The following OGFR variants were observed in gnomAD, a reference collection of about 807,000 sequenced individuals.
The protein encoded by OGFR is opioid growth factor receptor, also known as protein 7-60.
Under a neutral mutation model 33.6 loss-of-function variants are expected in OGFR, and 18 were observed. That is an observed-to-expected ratio of 0.54 (90% confidence interval 0.37 to 0.80). The LOEUF is 0.80. Among genes scored for constraint, OGFR ranks in the 30% least tolerant of loss-of-function variants. The pLI, the probability that OGFR is intolerant of heterozygous loss-of-function variation, is 0.00. For missense variants in OGFR, 877 were observed against 955.8 expected, an observed-to-expected ratio of 0.92 and a Z score of 1.09; for synonymous variants, 370 against 400.7, an observed-to-expected ratio of 0.92 and a Z score of 0.91.
At chr20:62,810,074 C>T (rs946681031) in intron 4 of OGFR, among the ~76,000 whole-genome samples, 21 of 121,342 alleles carry the variant, frequency 1.7e-4, no homozygotes, top group Non-Finnish European at 2.7e-4. Context: ...CTTGGGGACC[C>T]ACAATGTGGC....
intron 2 of OGFR, 118 bp from the exon 3 acceptor site, chr20:62,808,129 T>C: frequency 1.2e-6 from 1 of 821,748 alleles, no homozygotes; most frequent in Admixed American, 1.7e-5. Context: ...CCAGGCGGGC[T>C]CTTGGGGTAT....
At position 62,812,523 on chromosome 20, in the gene OGFR, C is replaced by T. The variant is rs750321486; in HGVS notation, c.908C>T (p.Pro303Leu). 3.5e-5 allele frequency: 56 copies of T among 1,585,176 alleles called. No homozygotes were observed. The highest frequency in any genetic ancestry group is 1.4e-4 in the South Asian group (12 of 87,424). ...TTCAAGCCCAGCTCTCTGCCCCATC[C>T]GCTCGAGGGCTCCAGGAAGGTGGAG... ...RRFKPSSLPH[P>L]LEGSRKVEEE... The change falls in exon 7 of 7, where the codon CCG (proline) becomes CTG (leucine). Residue 303 changes from proline (P) to leucine (L), a missense_variant. Physicochemically the swap from Pro to Leu is moderately conservative, Grantham distance 98 (BLOSUM62 -3). This residue lies in a region of OGFR where 760 missense variants were observed against 736.0 expected (regional missense o/e 1.03). Transcript: ENST00000290291.
chr20:62,810,880 ACCCAAGTGTGGAAGCTG>A (rs1240196224), intron 5 of OGFR, among the ~76,000 whole-genome samples: 2 of 152,290 alleles, frequency 1.3e-5, no homozygotes, highest in Non-Finnish European at 2.9e-5. Flanking sequence ...GAGTGGGGTC[ACCCAAGTGTGGAAGCTG>A]CCCCTGAGGG....
rs1469271399 is a variant in OGFR at position 62,813,546 on chromosome 20, C to G, written c.1931C>G (p.Pro644Arg). The G allele has an allele frequency of 1.9e-6, 3 of 1,605,890 alleles. No homozygotes were observed. The South Asian group carries it at 3.3e-5, about 18-fold the overall frequency. ...GAGAGCCCATCGGAGACCCCAGGCC[C>G]CAGCCCGGCAGGACCTACAAGGGAT... ...PAESPSETPG[P>R]SPAGPTRDEP... The change falls in exon 7 of 7, where the codon CCC becomes CGC. Residue 644 changes from proline (P) to arginine (R), a missense_variant. By Grantham distance (103) the Pro-to-Arg change is moderately radical. Around this residue, in one of 3 missense-constraint regions of OGFR, gnomAD observed 72 missense variants for 181.8 expected, o/e 0.40. Coordinates refer to ENST00000290291, the MANE Select transcript of OGFR (RefSeq NM_007346.4).
chr20:62,808,961 T>TGA (rs1990659672), intron 3 of OGFR, among the ~76,000 whole-genome samples: 1 of 102,894 alleles, frequency 9.7e-6, no homozygotes, highest in Non-Finnish European at 1.7e-5. Flanking sequence ...GGCAACAGAA[T>TGA]GAGACTCTGT....
Position 62,812,259 on chromosome 20 carries a change from G to T in OGFR, c.644G>T (p.Arg215Leu). ...AGCCACAACAACCTCCGCATCACAC[G>T]CATCCTCAAGTCGCTGGGTGAGCTG... Reference protein sequence around the residue: ...WRSHNNLRITRILKSLGELGL... With the variant: ...WRSHNNLRITLILKSLGELGL... Residue 215 changes from arginine (R) to leucine (L), a missense_variant, in exon 7 of 7, where the codon CGC (arginine) becomes CTC (leucine). Transcript: ENST00000290291. 6.5e-7 allele frequency: 1 copy of T among 1,527,312 alleles called. No individual in the cohort carries two copies. Among genetic ancestry groups the T allele is most frequent in the Non-Finnish European group, 8.8e-7 (1 of 1,135,906 alleles). 94.6% of individuals were successfully genotyped at this position (1,527,312 alleles called of 1,614,324 possible).
chr20:62,813,700 C>A lies in OGFR; in HGVS notation c.*51C>A. 1 of 1,597,162 alleles carries A rather than the reference C, an allele frequency of 6.3e-7. No homozygotes were observed. On this transcript the variant is annotated 3_prime_UTR_variant, in exon 7 of 7. Transcript: ENST00000290291. ...GGTCCTCCTGTCCCTGCTGCAGGGGCTGGGGCCTCCGGAGCTGCTGCGGGC... is the reference window on the plus strand; with the variant it reads ...GGTCCTCCTGTCCCTGCTGCAGGGGATGGGGCCTCCGGAGCTGCTGCGGGC...
In OGFR at chr20:62,812,854, T is replaced by C. The variant is rs372240820; in HGVS notation, c.1239T>C (p.Asn413=). The change falls in exon 7 of 7, where the codon AAT becomes AAC. Residue 413 remains asparagine (N), a synonymous_variant. Coordinates refer to ENST00000290291, the MANE Select transcript of OGFR (RefSeq NM_007346.4). ...SASEVEKIAL[N]LEGCALSQGS... is the part of the protein sequence containing the mutation. The stretch of plus-strand genomic sequence containing the variant: ...CAGAGGTGGAGAAGATCGCTCTGAA[T>C]TTGGAGGGGTGTGCCCTCAGCCAGG... The C allele has an allele frequency of 3.1e-6, 5 of 1,612,478 alleles. No homozygotes were observed. In the African/African-American group the frequency reaches 6.7e-5, roughly 22 times the overall value.
In OGFR at chr20:62,812,345, C is replaced by T. The variant is rs755893043; in HGVS notation, c.730C>T (p.Arg244Trp). The change falls in exon 7 of 7, where the codon CGG (arginine) becomes TGG (tryptophan). Residue 244 changes from arginine to tryptophan, a missense_variant. Physicochemically the swap from Arg to Trp is moderately radical, Grantham distance 101 (BLOSUM62 -3). Transcript: ENST00000290291. ...CTTCCTGGAGGAGACGCTGGTGCGG[C>T]GGGAGCTGCCGGGGGTGCGGCAGAG... ...RFFLEETLVR[R>W]ELPGVRQSAL... 37 of 1,563,202 alleles carry T rather than the reference C, an allele frequency of 2.4e-5. No individual in the cohort carries two copies. The Admixed American group carries it at 2.6e-4, about 11-fold the overall frequency.
At chr20:62,812,209 C>T (rs1437349109) in intron 6 of OGFR, 21 bp from the exon 7 acceptor site, 2 of 1,482,810 alleles carry the variant, frequency 1.3e-6, no homozygotes, top group African/African-American at 1.4e-5. Context: ...ATTGACCTCT[C>T]CTGACCCGGA....
intron 4 of OGFR, among the ~76,000 whole-genome samples, chr20:62,810,120 G>A (rs547534733): frequency 2.6e-5 from 4 of 152,314 alleles, no homozygotes; most frequent in South Asian, 2.1e-4. Flanking sequence ...GGGACAGCTC[G>A]CTGGGCGTCC....
In OGFR at chr20:62,812,948, C is replaced by T. The variant is rs1274695533; in HGVS notation, c.1333C>T (p.Gln445Ter). ...TGGGGAGGCAGTGCAGCCCTGCCGC[C>T]AACCCCTGGGAGCCAGGGTGGCCGA... Reference protein sequence around the residue: ...DPGEAVQPCRQPLGARVADKV... With the variant: ...DPGEAVQPCR The change falls in exon 7 of 7, where the codon CAA becomes TAA. Residue 445 changes from glutamine to a stop codon, truncating the protein, a stop_gained. Transcript: ENST00000290291. LOFTEE classifies it low-confidence loss of function (END_TRUNC). 1.2e-6 allele frequency: 2 copies of T among 1,612,312 alleles called. No homozygotes were observed. Among genetic ancestry groups the T allele is most frequent in the Non-Finnish European group, 1.7e-6 (2 of 1,179,818 alleles).
At chr20:62,808,149 C>T (rs770838261) in intron 2 of OGFR, 98 bp from the exon 3 acceptor site, 7 of 945,432 alleles carry the variant, frequency 7.4e-6, no homozygotes, top group African/African-American at 6.4e-5. Flanking sequence ...TTGGGCCAGC[C>T]TGGAGGTTTG....
intron 6 of OGFR, 63 bp from the exon 7 acceptor site, chr20:62,812,167 C>A (rs534789241): frequency 1.4e-6 from 2 of 1,392,076 alleles, no homozygotes; most frequent in Admixed American, 2.9e-5. Context: ...CAGGCCAGGG[C>A]GGGGTGCGGC....
Position 62,807,622 on chromosome 20 carries a change from G to A in OGFR, c.240+17G>A. On this transcript the variant is annotated intron_variant, in intron 2 of 6. Coordinates refer to ENST00000290291, the MANE Select transcript of OGFR (RefSeq NM_007346.4). ...AACTATCCGGTACGTACCTGCCCCT[G>A]CCCCGGGACACAGAACCCTCCCGCC... 1 of 1,610,080 alleles carries A rather than the reference G, an allele frequency of 6.2e-7. No homozygotes were observed. The highest frequency in any genetic ancestry group is 8.5e-7 in the Non-Finnish European group (1 of 1,177,834).
At chr20:62,807,988 T>C in intron 2 of OGFR, 1 of 605,302 alleles carries the variant, frequency 1.7e-6, no homozygotes, top group Non-Finnish European at 2.9e-6. Flanking sequence ...CGGAAACCCC[T>C]GTGCTGCCTT....
chr20:62,811,711 A>G, intron 6 of OGFR, 101 bp downstream of exon 6: 5 of 1,342,414 alleles, frequency 3.7e-6, no homozygotes, highest in South Asian at 1.5e-5. Context: ...GGAGAACTCC[A>G]GGGCTGTTTG....
intron 1 of OGFR, chr20:62,806,998 G>C (rs1447147319): frequency 6.2e-6 from 1 of 162,276 alleles, no homozygotes; most frequent in Non-Finnish European, 1.4e-5. Context: ...GGGTTGGGCA[G>C]GGAAGGGGCA....
intron 1 of OGFR, chr20:62,805,609 G>A (rs1025700276): frequency 1.3e-5 from 2 of 152,314 alleles, no homozygotes; most frequent in Admixed American, 6.5e-5. Context: ...CGGGGAGCTG[G>A]GATTGATCTG....
Sources: gnomAD v4.1 joint callset for allele counts (sites outside exome capture counted in the v4.1 genomes callset) on GRCh38, gnomAD v4.1.1 for gene constraint, gnomAD v4.1.1 regional missense constraint, MANE v1.5 for transcripts, NCBI Gene and HGNC (gene_info 2026-07-23, HGNC 2026-07-21) for gene names.